The following DNAAF2 variants were observed in gnomAD, a reference collection of about 807,000 sequenced individuals.
DNAAF2 encodes dynein axonemal assembly factor 2, also known as protein kintoun.
DNAAF2 carries 58 observed loss-of-function variants against 48.8 expected under a neutral mutation model. The ratio of observed to expected loss-of-function variants is 1.19; its 90% CI spans 0.96 to 1.48. DNAAF2 has a LOEUF of 1.48. DNAAF2 is among the 40% of genes most tolerant of loss of function. The pLI, the probability that DNAAF2 is intolerant of heterozygous loss-of-function variation, is 0.00. For synonymous variants in DNAAF2, 567 were observed against 481.2 expected, an observed-to-expected ratio of 1.18 and a Z score of -2.33; for missense variants, 1,241 against 1,116.1, an observed-to-expected ratio of 1.11 and a Z score of -1.59.
intron 1 of DNAAF2, among the ~76,000 whole-genome samples, chr14:49,630,234 C>CAAATAAATAAATAAATAAAT (rs55681110): frequency 7.6e-4 from 112 of 147,168 alleles, no homozygotes; most frequent in East Asian, 9.8e-4. Context: ...CTCTGTCTCC[C>CAAATAAATAAATAAATAAAT]AAATAAATAA....
At chr14:49,630,812 G>A (rs916607288) in intron 1 of DNAAF2, among the ~76,000 whole-genome samples, 1 of 150,826 alleles carries the variant, frequency 6.6e-6, no homozygotes, top group Non-Finnish European at 1.5e-5. Context: ...GTACAACTGC[G>A]TGATCTCAGC....
At position 49,634,966 on chromosome 14, in the gene DNAAF2, C is replaced by A; in HGVS notation, c.184G>T (p.Glu62Ter). ...ACGAACCGCACTTCCACCCCGCGCTCACGCTCTAGCGCGGTGATCTCCGCC... is the reference window on the plus strand; with the variant it reads ...ACGAACCGCACTTCCACCCCGCGCTAACGCTCTAGCGCGGTGATCTCCGCC... ...YEAEITALER[E>*]RGVEVRFVHP... Residue 62 changes from glutamate (E) to a stop codon, truncating the protein, a stop_gained, in exon 1 of 3, where the codon GAG (glutamate) becomes TAG (stop). Coordinates refer to ENST00000298292, the MANE Select transcript of DNAAF2 (RefSeq NM_018139.3). LOFTEE classifies it high-confidence loss of function. 1 of 1,561,008 alleles carries A rather than the reference C, an allele frequency of 6.4e-7. No individual in the cohort carries two copies. Among genetic ancestry groups the A allele is most frequent in the South Asian group, 1.2e-5 (1 of 85,042 alleles).
Position 49,633,476 on chromosome 14 carries a change from T to G in DNAAF2, c.1674A>C (p.Lys558Asn). The G allele has an allele frequency of 1.9e-6, 3 of 1,614,026 alleles. No homozygotes were observed. In the South Asian group the frequency reaches 3.3e-5, roughly 18 times the overall value. ...CTAAGTCTTGTGCGGAGAAGCGTAA[T>G]TTGTACCAGAGGGGATTCAAATCTC... Reference protein sequence around the residue: ...LQGDLNPLWYKLRFSAQDLVY... With the variant: ...LQGDLNPLWYNLRFSAQDLVY... The change falls in exon 1 of 3, where the codon AAA becomes AAC. Residue 558 changes from lysine (K) to asparagine (N), a missense_variant. Coordinates refer to ENST00000298292, the MANE Select transcript of DNAAF2 (RefSeq NM_018139.3).
In DNAAF2 at chr14:49,634,097, C is replaced by A; in HGVS notation, c.1053G>T (p.Pro351=). 1 of 1,544,316 alleles carries A rather than the reference C, an allele frequency of 6.5e-7. No individual in the cohort carries two copies. Among genetic ancestry groups the A allele is most frequent in the Non-Finnish European group, 8.7e-7 (1 of 1,145,228 alleles). Residue 351 remains proline (P), a synonymous_variant, in exon 1 of 3, where the codon CCG becomes CCT. Coordinates refer to ENST00000298292, the MANE Select transcript of DNAAF2 (RefSeq NM_018139.3). ...CGACAGCGGGCTCCCGGCGCGCGGC[C>A]GGCAGCACCACTGGCAGCGTAACCA... The part of the protein sequence containing the change: ...QLVVTLPVVL[P]AARREPAVAV...
At position 49,634,771 on chromosome 14, in the gene DNAAF2, G is replaced by T. The variant is rs1342396029; in HGVS notation, c.379C>A (p.Pro127Thr). ...SHWSLPYSLAPGREYAGRSSS... is the reference protein window; with the variant it reads ...SHWSLPYSLATGREYAGRSSS... ...CTGCGCCCCGCGTACTCGCGGCCGG[G>T]CGCCAGGCTGTAGGGCAGGGACCAG... The change falls in exon 1 of 3, where the codon CCC becomes ACC. Residue 127 changes from proline to threonine, a missense_variant. Transcript: ENST00000298292. The T allele has an allele frequency of 2.5e-6, 4 of 1,589,256 alleles. No individual in the cohort carries two copies. The highest frequency in any genetic ancestry group is 2.2e-5 in the South Asian group (2 of 89,234).
chr14:49,634,588 G>A lies in DNAAF2; in HGVS notation c.562C>T (p.Leu188=). 2 of 1,606,126 alleles carry A rather than the reference G, an allele frequency of 1.2e-6. No individual in the cohort carries two copies. Among genetic ancestry groups the A allele is most frequent in the Non-Finnish European group, 1.7e-6 (2 of 1,179,730 alleles). The change falls in exon 1 of 3, where the codon CTG becomes TTG. Residue 188 remains leucine, a synonymous_variant. Coordinates refer to ENST00000298292, the MANE Select transcript of DNAAF2 (RefSeq NM_018139.3). ...GGGGTCCCCTTATACTTGGCCTTCA[G>A]GGTCTTGGCATTCCTGCGGTCCAGC... ...VKLDRRNAKT[L]KAKYKGTPEA...
chr14:49,634,958 C>A lies in DNAAF2; in HGVS notation c.192G>T (p.Gly64=). 1 of 1,559,734 alleles carries A rather than the reference C, an allele frequency of 6.4e-7. No homozygotes were observed. The highest frequency in any genetic ancestry group is 8.7e-7 in the Non-Finnish European group (1 of 1,151,994). The change falls in exon 1 of 3, where the codon GGG becomes GGT. Residue 64 remains glycine (G), a synonymous_variant. Transcript: ENST00000298292. ...CCGGGTGCACGAACCGCACTTCCACCCCGCGCTCACGCTCTAGCGCGGTGA... is the reference window on the plus strand; with the variant it reads ...CCGGGTGCACGAACCGCACTTCCACACCGCGCTCACGCTCTAGCGCGGTGA... The part of the protein sequence containing the change: ...AEITALERER[G]VEVRFVHPEP...
At chr14:49,627,211 A>G (rs1344608706) in intron 2 of DNAAF2, among the ~76,000 whole-genome samples, 1 of 152,194 alleles carries the variant, frequency 6.6e-6, no homozygotes, top group Admixed American at 6.6e-5. Context: ...ACTATTTAAC[A>G]GTTATAAGCA....
chr14:49,627,040 G>A (rs1240773005), intron 2 of DNAAF2, among the ~76,000 whole-genome samples: 3 of 151,624 alleles, frequency 2.0e-5, no homozygotes, highest in African/African-American at 4.9e-5. Context: ...CTGACCTCGG[G>A]TGATCCGCCT....
Position 49,633,748 on chromosome 14 carries a change from G to T in DNAAF2, c.1402C>A (p.Pro468Thr). Residue 468 changes from proline (P) to threonine (T), a missense_variant, in exon 1 of 3, where the codon CCT (proline) becomes ACT (threonine). Coordinates refer to ENST00000298292, the MANE Select transcript of DNAAF2 (RefSeq NM_018139.3). ...GCCAGGCTCCGGGAGGACAAACAAG[G>T]GGAGCCTCCGCCACCAGGTGAGTTT... is the stretch of plus-strand genomic sequence containing the variant. ...GENSPGGGGS[P>T]CLSSRSLAWG... The T allele has an allele frequency of 6.3e-7, 1 of 1,592,732 alleles. No homozygotes were observed. The highest frequency in any genetic ancestry group is 1.1e-5 in the South Asian group (1 of 89,564).
intron 2 of DNAAF2, among the ~76,000 whole-genome samples, chr14:49,627,553 CA>C (rs1883040187): frequency 6.6e-6 from 1 of 152,048 alleles, no homozygotes; most frequent in Non-Finnish European, 1.5e-5. Flanking sequence ...ATAATACATA[CA>C]CAGACAAAAG....
At position 49,625,699 on chromosome 14, in the gene DNAAF2, A is replaced by C; in HGVS notation, c.2357T>G (p.Leu786Arg). 1.2e-6 allele frequency: 2 copies of C among 1,613,748 alleles called. No individual in the cohort carries two copies. Among genetic ancestry groups the C allele is most frequent in the Non-Finnish European group, 1.7e-6 (2 of 1,179,758 alleles). ...TEEKETDGDH[L>R]SSLLNKTTVH... is the part of the protein sequence containing the mutation. ...CGTAGTTTTGTTCAGTAATGAAGATAGGTGATCTCCATCTGTTTCTTTCTC... is the reference window on the plus strand; with the variant it reads ...CGTAGTTTTGTTCAGTAATGAAGATCGGTGATCTCCATCTGTTTCTTTCTC... Residue 786 changes from leucine (L) to arginine (R), a missense_variant, in exon 3 of 3, where the codon CTA becomes CGA. By Grantham distance (102) the Leu-to-Arg change is moderately radical. Coordinates refer to ENST00000298292, the MANE Select transcript of DNAAF2 (RefSeq NM_018139.3).
At chr14:49,633,219 C>T in intron 1 of DNAAF2, 68 bp downstream of exon 1, 2 of 1,571,236 alleles carry the variant, frequency 1.3e-6, no homozygotes, top group Non-Finnish European at 8.6e-7. Flanking sequence ...CGCGCCCGGC[C>T]GGTAATAGCA....
chr14:49,633,300 T>A lies in DNAAF2; in HGVS notation c.1850A>T (p.Asn617Ile). The A allele has an allele frequency of 6.2e-7, 1 of 1,613,338 alleles. No individual in the cohort carries two copies. ...HWREWYYGVNNDSLEERLFVN... is the reference protein window; with the variant it reads ...HWREWYYGVNIDSLEERLFVN... ...AAGAACTGTTACCTCCAAAGAATCG[T>A]TGTTTACACCATAATACCACTCTCT... The change falls in exon 1 of 3, where the codon AAC (asparagine) becomes ATC (isoleucine). Residue 617 changes from asparagine to isoleucine, a missense_variant. Asn to Ile is a moderately radical substitution (Grantham distance 149). Transcript: ENST00000298292.
Position 49,625,837 on chromosome 14 carries a change from A to G in DNAAF2, c.2219T>C (p.Leu740Pro). The G allele has an allele frequency of 1.2e-6, 2 of 1,609,368 alleles. No homozygotes were observed. Among genetic ancestry groups the G allele is most frequent in the Non-Finnish European group, 1.7e-6 (2 of 1,178,690 alleles). Reference sequence around the variant, plus strand: ...TGACTCAGGTTGCTGAGATTTTCCAAGTATCATTTGAGAAACATCAAGAGA... The same window carrying G: ...TGACTCAGGTTGCTGAGATTTTCCAGGTATCATTTGAGAAACATCAAGAGA... ...QESLDVSQMILGKSQQPESKM... is the reference protein window; with the variant it reads ...QESLDVSQMIPGKSQQPESKM... The change falls in exon 3 of 3, where the codon CTT becomes CCT. Residue 740 changes from leucine (L) to proline (P), a missense_variant. Coordinates refer to ENST00000298292, the MANE Select transcript of DNAAF2 (RefSeq NM_018139.3).
Position 49,634,577 on chromosome 14 carries a change from C to A in DNAAF2, c.573G>T (p.Lys191Asn), listed in dbSNP as rs1027490539. ...CCGCAGCCTCTGGGGTCCCCTTATA[C>A]TTGGCCTTCAGGGTCTTGGCATTCC... ...DRRNAKTLKA[K>N]YKGTPEAAVL... The change falls in exon 1 of 3, where the codon AAG becomes AAT. Residue 191 changes from lysine to asparagine, a missense_variant. Coordinates refer to ENST00000298292, the MANE Select transcript of DNAAF2 (RefSeq NM_018139.3). 8.1e-6 allele frequency: 13 copies of A among 1,605,536 alleles called. No homozygotes were observed. In the African/African-American group the frequency reaches 1.7e-4, roughly 21 times the overall value.
In DNAAF2 at chr14:49,634,480, A is replaced by G; in HGVS notation, c.670T>C (p.Phe224Leu). ...GCCGGGTACTGGTAAGGGTAGGGGAAGTCCGGGAGAGGACCCTTCGGCTCC... is the reference window on the plus strand; with the variant it reads ...GCCGGGTACTGGTAAGGGTAGGGGAGGTCCGGGAGAGGACCCTTCGGCTCC... ...DGEPKGPLPD[F>L]PYPYQYPAAP... The change falls in exon 1 of 3, where the codon TTC becomes CTC. Residue 224 changes from phenylalanine (F) to leucine (L), a missense_variant. By Grantham distance (22) the Phe-to-Leu change is conservative (BLOSUM62 0). Transcript: ENST00000298292. 1 of 1,582,984 alleles carries G rather than the reference A, an allele frequency of 6.3e-7. No homozygotes were observed.
At position 49,625,875 on chromosome 14, in the gene DNAAF2, G is replaced by A. The variant is rs200853521; in HGVS notation, c.2181C>T (p.Cys727=). 6.2e-7 allele frequency: 1 copy of A among 1,613,006 alleles called. No individual in the cohort carries two copies. The highest frequency in any genetic ancestry group is 2.2e-5 in the East Asian group (1 of 44,776). The change falls in exon 3 of 3, where the codon TGC becomes TGT. Residue 727 remains cysteine, a synonymous_variant. Transcript: ENST00000298292. The part of the protein sequence containing the change: ...LQIDSFGLVT[C]FQQESLDVSQ... ...AAACATCAAGAGACTCTTGTTGAAA[G>A]CATGTAACTAAACCAAAGCTATCTA...
chr14:49,630,713 C>T (rs1334265230), intron 1 of DNAAF2, among the ~76,000 whole-genome samples: 16 of 36,742 alleles, frequency 4.4e-4, no homozygotes, highest in Admixed American at 2.9e-3. Flanking sequence ...AAACTCTCTA[C>T]ACACACACAC....
Sources: allele counts gnomAD v4.1 joint callset (sites outside exome capture counted in the v4.1 genomes callset), GRCh38; gene constraint gnomAD v4.1.1; transcripts MANE v1.5; gene names NCBI Gene and HGNC (gene_info 2026-07-23, HGNC 2026-07-21).